The following INPP5F variants were observed in gnomAD, a reference collection of about 807,000 sequenced individuals.
INPP5F encodes phosphatidylinositide 4-phosphatase SAC2.
In INPP5F, 97 loss-of-function variants were observed where a neutral mutation model predicts 137.2. The ratio of observed to expected loss-of-function variants is 0.71; its 90% confidence interval spans 0.60 to 0.84. The LOEUF (loss-of-function observed/expected upper bound fraction) is 0.84, where lower values mean the gene tolerates loss of function less well. INPP5F is among the 40% of genes least tolerant of loss of function. The pLI, the probability that INPP5F is intolerant of heterozygous loss-of-function variation, is 0.00. For synonymous variants in INPP5F, 504 were observed against 476.9 expected (o/e 1.06, Z -0.74); for missense variants, 1,271 against 1,371.9 (o/e 0.93, Z 1.16).
intron 6 of INPP5F, among the ~76,000 whole-genome samples, chr10:119,795,128 G>C (rs1485397903): frequency 6.8e-6 from 1 of 146,194 alleles, no homozygotes; most frequent in Non-Finnish European, 1.5e-5. Flanking sequence ...CGGGCGGGGG[G>C]CTGACCCCCC....
At chr10:119,773,025 G>A (rs1170801427) in intron 2 of INPP5F, among the ~76,000 whole-genome samples, 1 of 151,914 alleles carries the variant, frequency 6.6e-6, no homozygotes, top group Admixed American at 6.6e-5. Flanking sequence ...TGAGATTACA[G>A]GTGTGAGCCA....
intron 1 of INPP5F, 109 bp from the exon 2 acceptor site, chr10:119,750,967 A>T (rs932021150): frequency 1.4e-6 from 1 of 733,186 alleles, no homozygotes; most frequent in African/African-American, 1.8e-5. Flanking sequence ...TTGGATATTC[A>T]TACTGCTTTT....
chr10:119,786,781 A>G (rs186111108), intron 3 of INPP5F, among the ~76,000 whole-genome samples: 1 of 152,168 alleles, frequency 6.6e-6, no homozygotes, highest in Admixed American at 6.5e-5. Context: ...TACCTCCCAA[A>G]GTGCTGGGGA....
intron 2 of INPP5F, among the ~76,000 whole-genome samples, chr10:119,780,808 A>C (rs1849675322): frequency 6.6e-6 from 1 of 152,194 alleles, no homozygotes. Flanking sequence ...AGATTATATC[A>C]GGTATTGTAA....
At chr10:119,820,824 C>T in intron 15 of INPP5F, 22 bp from the exon 16 acceptor site, 1 of 1,564,820 alleles carries the variant, frequency 6.4e-7, no homozygotes, top group South Asian at 1.1e-5. Context: ...AATACTTAAT[C>T]TCCTGTGTCA....
intron 2 of INPP5F, among the ~76,000 whole-genome samples, chr10:119,757,862 G>A (rs1170979338): frequency 6.6e-6 from 1 of 151,522 alleles, no homozygotes; most frequent in Admixed American, 6.6e-5. Flanking sequence ...TTTCTTTTTT[G>A]TCTGTCTTCT....
intron 1 of INPP5F, among the ~76,000 whole-genome samples, chr10:119,743,485 G>A (rs1019463323): frequency 6.6e-6 from 1 of 152,206 alleles, no homozygotes; most frequent in Non-Finnish European, 1.5e-5. Context: ...ACACGAGAGA[G>A]TCTGGTCAGC....
At chr10:119,826,597 G>A (rs1242905376) in intron 19 of INPP5F, 34 bp from the exon 20 acceptor site, 3 of 1,478,250 alleles carry the variant, frequency 2.0e-6, no homozygotes, top group African/African-American at 2.8e-5. Flanking sequence ...TGGATTCCAT[G>A]GGGAATTAAC....
chr10:119,766,099 C>T (rs1849158217), intron 2 of INPP5F, among the ~76,000 whole-genome samples: 1 of 152,006 alleles, frequency 6.6e-6, no homozygotes, highest in African/African-American at 2.4e-5. Context: ...CAGTTGGAAT[C>T]CAAGGGCCTG....
intron 2 of INPP5F, among the ~76,000 whole-genome samples, chr10:119,753,575 A>G (rs554352826): frequency 1.3e-5 from 2 of 152,074 alleles, no homozygotes; most frequent in African/African-American, 4.8e-5. Context: ...TCATCTCACA[A>G]TGCCTGTCTT....
intron 1 of INPP5F, among the ~76,000 whole-genome samples, chr10:119,732,053 T>C (rs1848086158): frequency 6.6e-6 from 1 of 150,896 alleles, no homozygotes. Flanking sequence ...TTTTTTTTTT[T>C]TTTTTAGTGT....
In INPP5F at chr10:119,823,089, T is replaced by C; in HGVS notation, c.2051T>C (p.Phe684Ser). Residue 684 changes from phenylalanine (F) to serine (S), a missense_variant, in exon 18 of 20, where the codon TTT (phenylalanine) becomes TCT (serine). Phe to Ser is a radical substitution (Grantham distance 155). Around this residue, in one of 6 missense-constraint regions of INPP5F, gnomAD observed 593 missense variants for 712.4 expected, o/e 0.83. Coordinates refer to ENST00000650623, the MANE Select transcript of INPP5F (RefSeq NM_014937.4). ...KIEIGPEPTL[F>S]GKPKFSCMRL... ...ATTTTAGGCCCTGAACCCACTCTTT[T>C]TGGTAAGCCAAAGTTCTCCTGCATG... 6.2e-7 allele frequency: 1 copy of C among 1,613,690 alleles called. No homozygotes were observed. The highest frequency in any genetic ancestry group is 8.5e-7 in the Non-Finnish European group (1 of 1,179,864).
rs189854365 is a variant in INPP5F, at chr10:119,797,522, T to C, written c.930T>C (p.Thr310=). 41 of 1,612,668 alleles carry C rather than the reference T, an allele frequency of 2.5e-5. No individual in the cohort carries two copies. Among genetic ancestry groups the C allele is most frequent in the Non-Finnish European group, 3.5e-5 (41 of 1,179,224 alleles). The change falls in exon 8 of 20, where the codon ACT becomes ACC. Residue 310 remains threonine (T), a synonymous_variant. Transcript: ENST00000650623. Reference sequence around the variant, plus strand: ...GAAATGTTGCCAATTATGTGGAGACTGAGCAGTTGATTCATGTTCATAATC... The same window carrying C: ...GAAATGTTGCCAATTATGTGGAGACCGAGCAGTTGATTCATGTTCATAATC... ...KNGNVANYVE[T]EQLIHVHNHT... is the part of the protein sequence containing the mutation.
At position 119,827,833 on chromosome 10, in the gene INPP5F, C is replaced by T; in HGVS notation, c.*53C>T. The T allele has an allele frequency of 2.4e-6, 3 of 1,270,490 alleles. No homozygotes were observed. Among genetic ancestry groups the T allele is most frequent in the Non-Finnish European group, 3.3e-6 (3 of 910,772 alleles). The allele number at this position is 1,270,490 out of a possible 1,614,324, so 78.7% of individuals were successfully genotyped here. A position where few individuals can be genotyped will look rare whatever the true frequency, so the allele number is the denominator to read the frequency against. ...CTTTTATTTAAAAATATGAAATTTTCACCTCTTGGGGTATTTTAATTGTAC... is the reference window on the plus strand; with the variant it reads ...CTTTTATTTAAAAATATGAAATTTTTACCTCTTGGGGTATTTTAATTGTAC... On this transcript the variant is annotated 3_prime_UTR_variant, in exon 20 of 20. Transcript: ENST00000650623.
rs1320060557 is a variant in INPP5F, at chr10:119,726,291, A to G, written c.29A>G (p.Tyr10Cys). Residue 10 changes from tyrosine (Y) to cysteine (C), a missense_variant, in exon 1 of 20, where the codon TAC becomes TGC. Physicochemically the swap from Tyr to Cys is radical, Grantham distance 194. Coordinates refer to ENST00000650623, the MANE Select transcript of INPP5F (RefSeq NM_014937.4). Reference protein sequence around the residue: MELFQAKDHYILQQGERALW... With the variant: MELFQAKDHCILQQGERALW... ...GAGCTCTTCCAAGCCAAGGACCACT[A>G]CATCCTGCAGCAGGGCGAGCGCGCG... 6.7e-7 allele frequency: 1 copy of G among 1,491,252 alleles called. No individual in the cohort carries two copies. The highest frequency in any genetic ancestry group is 8.9e-7 in the Non-Finnish European group (1 of 1,119,754). The allele number at this position is 1,491,252 out of a possible 1,614,324, so 92.4% of individuals were successfully genotyped here.
At chr10:119,804,103 T>C in intron 9 of INPP5F, 70 bp from the exon 10 acceptor site, 1 of 1,100,360 alleles carries the variant, frequency 9.1e-7, no homozygotes, top group Non-Finnish European at 1.3e-6. Context: ...TTCTAACATC[T>C]AATTAAATTT....
At chr10:119,765,153 C>T (rs1162771415) in intron 2 of INPP5F, among the ~76,000 whole-genome samples, 4 of 149,984 alleles carry the variant, frequency 2.7e-5, no homozygotes, top group Admixed American at 1.3e-4. Flanking sequence ...AGGCTGGTCT[C>T]GAACCCCTGA....
chr10:119,803,328 T>A (rs193301165), intron 9 of INPP5F, among the ~76,000 whole-genome samples: 2 of 152,212 alleles, frequency 1.3e-5, no homozygotes, highest in African/African-American at 4.8e-5. Flanking sequence ...TAATGAGATG[T>A]AGGGAGCTAA....
At position 119,800,331 on chromosome 10, in the gene INPP5F, G is replaced by A. The variant is rs570664726; in HGVS notation, c.1116+1721G>A. Among the ~76,000 whole-genome samples, 14 of 151,460 alleles carry A rather than the reference G, an allele frequency of 9.2e-5. No homozygotes were observed. The South Asian group carries it at 2.5e-3, about 27-fold the overall frequency. ...AGCACTTTGGGAGGCCAACGTGGGCGGATCACGAGGTCAGGAGTTTGAGAC... is the reference window on the plus strand; with the variant it reads ...AGCACTTTGGGAGGCCAACGTGGGCAGATCACGAGGTCAGGAGTTTGAGAC... On this transcript the variant is annotated intron_variant, in intron 9 of 19. Coordinates refer to ENST00000650623, the MANE Select transcript of INPP5F (RefSeq NM_014937.4).
Sources: gnomAD v4.1 joint callset for allele counts (sites outside exome capture counted in the v4.1 genomes callset) on GRCh38, gnomAD v4.1.1 for gene constraint, gnomAD v4.1.1 regional missense constraint, MANE v1.5 for transcripts, NCBI Gene and HGNC (gene_info 2026-07-23, HGNC 2026-07-21) for gene names.